Variants in FIRRM observed in about 807,000 individuals in gnomAD.
FIRRM encodes the protein FIGNL1-interacting regulator of recombination and mitosis.
chr1:169,827,002 A>G, the FIRRM span: 1 of 1,573,800 alleles, frequency 6.4e-7, no homozygotes, highest in Non-Finnish European at 8.7e-7. Context: ...TCTACCTAAA[A>G]TTAGAAGATA....
At chr1:169,797,862 T>A in the FIRRM span, among the ~76,000 whole-genome samples, 1 of 152,188 alleles carries the variant, frequency 6.6e-6, no homozygotes, top group East Asian at 1.9e-4. Context: ...TTTTTCTTAT[T>A]AACATTCTTT....
At chr1:169,812,805 C>T in the FIRRM span, among the ~76,000 whole-genome samples, 13 of 150,594 alleles carry the variant, frequency 8.6e-5, no homozygotes, top group South Asian at 4.2e-4. Context: ...TGAAGTAAGC[C>T]GAGGTCATGC....
chr1:169,807,082 TTTGA>T, the FIRRM span, among the ~76,000 whole-genome samples: 14 of 152,210 alleles, frequency 9.2e-5, no homozygotes, highest in Non-Finnish European at 1.8e-4. Context: ...GTCTATCCCA[TTTGA>T]TTAAGAATAA....
At chr1:169,810,992 T>C in the FIRRM span, among the ~76,000 whole-genome samples, 1 of 151,638 alleles carries the variant, frequency 6.6e-6, no homozygotes, top group African/African-American at 2.4e-5. Context: ...CCCGAGTAGC[T>C]GGGACTACAG....
chr1:169,792,693 G>T, the FIRRM span: 3 of 1,613,588 alleles, frequency 1.9e-6, no homozygotes, highest in Admixed American at 1.7e-5. Flanking sequence ...TGAAAGAGAT[G>T]AACACCTCCA....
the FIRRM span, chr1:169,832,630 T>G: frequency 1.5e-6 from 1 of 666,916 alleles, no homozygotes; most frequent in East Asian, 2.9e-5. Context: ...TGAGACAGAG[T>G]CTCGCTCTGT....
chr1:169,791,270 T>A, the FIRRM span, among the ~76,000 whole-genome samples: 2 of 152,228 alleles, frequency 1.3e-5, no homozygotes, highest in African/African-American at 4.8e-5. Flanking sequence ...TGATGAGATA[T>A]AAATTATTTG....
At chr1:169,840,506 TTTTTC>T in the FIRRM span, among the ~76,000 whole-genome samples, 2 of 149,016 alleles carry the variant, frequency 1.3e-5, no homozygotes, top group South Asian at 4.2e-4. Flanking sequence ...GTTCTTTTCT[TTTTTC>T]TTTTTTTTTT....
chr1:169,853,342 T>TATG, the FIRRM span: 1 of 324,454 alleles, frequency 3.1e-6, no homozygotes, highest in Non-Finnish European at 5.6e-6. Flanking sequence ...AGCTTACTCT[T>TATG]ATGTTAAAGA....
chr1:169,816,329 A>C, the FIRRM span, among the ~76,000 whole-genome samples: 224 of 152,278 alleles, frequency 1.5e-3, 1 homozygote, highest in Admixed American at 4.1e-3. Context: ...TGGTTGGTTC[A>C]CAGGAATAAG....
the FIRRM span, among the ~76,000 whole-genome samples, chr1:169,847,351 C>T: frequency 7.3e-6 from 1 of 136,900 alleles, no homozygotes; most frequent in South Asian, 2.4e-4. Context: ...GCAGTATCTT[C>T]AAATTGCAAT....
chr1:169,803,073 G>C, the FIRRM span: 1 of 1,074,964 alleles, frequency 9.3e-7, no homozygotes, highest in Non-Finnish European at 1.4e-6. Flanking sequence ...ACTGTGTTTT[G>C]TTCATTGCTG....
the FIRRM span, among the ~76,000 whole-genome samples, chr1:169,816,203 AC>A: frequency 6.8e-5 from 6 of 88,814 alleles, no homozygotes; most frequent in African/African-American, 1.5e-4. Flanking sequence ...CTTTCCATGA[AC>A]TGGGCAACTG....
At chr1:169,796,292 G>A in the FIRRM span, among the ~76,000 whole-genome samples, 375 of 152,366 alleles carry the variant, frequency 2.5e-3, 2 homozygotes, top group Admixed American at 3.1e-3. Context: ...CATAATGTGT[G>A]TGAGACATGG....
the FIRRM span, chr1:169,806,186 G>T: frequency 2.7e-6 from 2 of 729,428 alleles, no homozygotes; most frequent in East Asian, 2.9e-5. Context: ...AAAACATTTT[G>T]TGTGAATTTA....
At chr1:169,835,588 T>C in the FIRRM span, among the ~76,000 whole-genome samples, 3 of 152,224 alleles carry the variant, frequency 2.0e-5, no homozygotes, top group African/African-American at 7.2e-5. Context: ...TTTACTTTAG[T>C]CTTTTATGAA....
the FIRRM span, among the ~76,000 whole-genome samples, chr1:169,788,176 T>C: frequency 6.6e-6 from 1 of 152,344 alleles, no homozygotes; most frequent in South Asian, 2.1e-4. Context: ...GCTTAAAATA[T>C]ATACAACTGA....
chr1:169,790,321 G>C, the FIRRM span, among the ~76,000 whole-genome samples: 16 of 151,944 alleles, frequency 1.1e-4, no homozygotes, highest in South Asian at 4.2e-4. Context: ...CTAATAGCTC[G>C]GATTACTGGC....
the FIRRM span, among the ~76,000 whole-genome samples, chr1:169,847,473 G>A: frequency 2.0e-5 from 3 of 152,224 alleles, no homozygotes; most frequent in East Asian, 1.9e-4. Flanking sequence ...GGAGGCAGGA[G>A]GGTGTGGTAA....
Sources: gnomAD v4.1 joint callset for allele counts (sites outside exome capture counted in the v4.1 genomes callset) on GRCh38, gnomAD v4.1.1 for gene constraint, MANE v1.5 for transcripts, NCBI Gene and HGNC (gene_info 2026-07-23, HGNC 2026-07-21) for gene names.